Variants in DRAM1 observed in about 807,000 individuals in gnomAD.
DRAM1 encodes the protein DNA damage-regulated autophagy modulator protein 1.
In DRAM1, 25 loss-of-function variants were observed where a neutral mutation model predicts 28.5. The ratio of observed to expected loss-of-function variants is 0.88; its 90% CI spans 0.64 to 1.23. The LOEUF is 1.23. Among genes scored for constraint, DRAM1 ranks in the 50% most tolerant of loss-of-function variants. DRAM1 has a pLI of 0.00. For missense variants in DRAM1, 249 were observed against 299.2 expected (o/e 0.83, Z 1.24); for synonymous variants, 113 against 114.2 (o/e 0.99, Z 0.07).
intron 3 of DRAM1, chr12:101,901,690 G>A: frequency 2.6e-6 from 1 of 385,014 alleles, no homozygotes; most frequent in Non-Finnish European, 4.7e-6. Context: ...GACCAGTCTG[G>A]CCAACATGGT....
At chr12:101,919,612 G>A (rs558069543) in intron 5 of DRAM1, among the ~76,000 whole-genome samples, 5 of 152,306 alleles carry the variant, frequency 3.3e-5, no homozygotes, top group South Asian at 2.1e-4. Flanking sequence ...ACTATTTCCT[G>A]AATGATCATT....
intron 1 of DRAM1, among the ~76,000 whole-genome samples, chr12:101,893,771 A>ATTTT (rs57069274): frequency 1.4e-5 from 2 of 142,462 alleles, no homozygotes; most frequent in African/African-American, 5.1e-5. Flanking sequence ...GATTAGGTCA[A>ATTTT]TTTTTTTTTT....
chr12:101,913,003 C>T (rs1452067560), intron 4 of DRAM1, among the ~76,000 whole-genome samples: 1 of 152,164 alleles, frequency 6.6e-6, no homozygotes, highest in Non-Finnish European at 1.5e-5. Flanking sequence ...GCTGGGATTA[C>T]AGGTGTGAGC....
chr12:101,903,234 A>G (rs1438819475), intron 3 of DRAM1, among the ~76,000 whole-genome samples: 2 of 152,192 alleles, frequency 1.3e-5, no homozygotes, highest in Admixed American at 1.3e-4. Flanking sequence ...TTGAGTTGCA[A>G]TAAATCACAT....
At chr12:101,896,734 C>A (rs1411103098) in intron 1 of DRAM1, among the ~76,000 whole-genome samples, 1 of 152,036 alleles carries the variant, frequency 6.6e-6, no homozygotes, top group Non-Finnish European at 1.5e-5. Context: ...ACCCTAGATA[C>A]CCTATTATTT....
At chr12:101,902,768 T>A (rs1163755578) in intron 3 of DRAM1, among the ~76,000 whole-genome samples, 1 of 152,228 alleles carries the variant, frequency 6.6e-6, no homozygotes, top group Non-Finnish European at 1.5e-5. Context: ...AGCAAAGTGT[T>A]TGACTTGTCA....
At position 101,901,276 on chromosome 12, in the gene DRAM1, T is replaced by C; in HGVS notation, c.200-15T>C. 6.2e-7 allele frequency: 1 copy of C among 1,606,110 alleles called. No individual in the cohort carries two copies. Among genetic ancestry groups the C allele is most frequent in the Admixed American group, 1.7e-5 (1 of 58,240 alleles). Reference sequence around the variant, plus strand: ...TCAAATTATGAACATTCATCAAAGTTCTCTTCTTTTTCAGGTGCAGCCACG... The same window carrying C: ...TCAAATTATGAACATTCATCAAAGTCCTCTTCTTTTTCAGGTGCAGCCACG... On this transcript the variant is annotated splice_polypyrimidine_tract_variant and intron_variant, in intron 2 of 6. Transcript: ENST00000258534.
At chr12:101,915,123 G>A (rs1343621267) in intron 5 of DRAM1, among the ~76,000 whole-genome samples, 2 of 151,968 alleles carry the variant, frequency 1.3e-5, no homozygotes, top group Non-Finnish European at 2.9e-5. Flanking sequence ...GGGACTATAG[G>A]CGCCTGCCAC....
intron 5 of DRAM1, among the ~76,000 whole-genome samples, chr12:101,915,469 G>C (rs1265220682): frequency 6.6e-6 from 1 of 152,104 alleles, no homozygotes; most frequent in Non-Finnish European, 1.5e-5. Context: ...GGATAACTGT[G>C]CAAGGGTGTA....
At chr12:101,881,431 G>A (rs1334213339) in intron 1 of DRAM1, among the ~76,000 whole-genome samples, 2 of 152,084 alleles carry the variant, frequency 1.3e-5, no homozygotes, top group East Asian at 1.9e-4. Flanking sequence ...CATGGCTCAA[G>A]CAATCCCCTG....
intron 1 of DRAM1, among the ~76,000 whole-genome samples, chr12:101,884,250 G>A (rs116389832): frequency 0.018 from 2,518 of 143,066 alleles, 63 homozygotes; most frequent in African/African-American, 0.064. Flanking sequence ...TTAGCTGAGC[G>A]TGGTAGGATG....
In DRAM1 at chr12:101,897,892, G is replaced by A. The variant is rs190763394; in HGVS notation, c.161G>A (p.Gly54Asp). 1.6e-5 allele frequency: 25 copies of A among 1,610,300 alleles called. No individual in the cohort carries two copies. Among genetic ancestry groups the A allele is most frequent in the Admixed American group, 1.5e-4 (9 of 59,786 alleles). The change falls in exon 2 of 7, where the codon GGT becomes GAT. Residue 54 changes from glycine to aspartate, a missense_variant. Physicochemically the swap from Gly to Asp is moderately conservative, Grantham distance 94. This residue lies in a region of DRAM1 where 218 missense variants were observed against 243.1 expected (regional missense o/e 0.90). Coordinates refer to ENST00000258534, the MANE Select transcript of DRAM1 (RefSeq NM_018370.3). The part of the protein sequence containing the change: ...SDTGTTPPES[G>D]IFGFMINFSA... Reference sequence around the variant, plus strand: ...ACGGGAACAACACCTCCAGAGAGTGGTATTTTTGGATTTATGATAAACTTC... The same window carrying A: ...ACGGGAACAACACCTCCAGAGAGTGATATTTTTGGATTTATGATAAACTTC...
At chr12:101,895,783 G>C (rs918928392) in intron 1 of DRAM1, among the ~76,000 whole-genome samples, 5 of 151,700 alleles carry the variant, frequency 3.3e-5, no homozygotes, top group Non-Finnish European at 7.4e-5. Context: ...TGTTGGCCAG[G>C]CTGGTCTTGA....
intron 3 of DRAM1, among the ~76,000 whole-genome samples, chr12:101,901,868 C>CAA (rs57574986): frequency 0.44 from 50,299 of 113,772 alleles, 10,863 homozygotes; most frequent in African/African-American, 0.63. Flanking sequence ...GACTCTATCT[C>CAA]AAAAAAAAAA....
chr12:101,886,478 C>A (rs1169536574), intron 1 of DRAM1, among the ~76,000 whole-genome samples: 2 of 152,316 alleles, frequency 1.3e-5, no homozygotes, highest in South Asian at 2.1e-4. Flanking sequence ...CCACATTGGG[C>A]TGGATAGGAA....
At chr12:101,915,924 A>G (rs1874226839) in intron 5 of DRAM1, among the ~76,000 whole-genome samples, 1 of 152,214 alleles carries the variant, frequency 6.6e-6, no homozygotes, top group Admixed American at 6.5e-5. Context: ...GACAGAAGCA[A>G]TGCCTGGGAT....
intron 1 of DRAM1, among the ~76,000 whole-genome samples, chr12:101,897,502 C>T (rs1364035198): frequency 6.6e-6 from 1 of 150,988 alleles, no homozygotes; most frequent in Non-Finnish European, 1.5e-5. Flanking sequence ...CACCCGGCCT[C>T]AAACATGATT....
At chr12:101,906,770 G>A (rs985359042) in intron 3 of DRAM1, among the ~76,000 whole-genome samples, 2 of 149,132 alleles carry the variant, frequency 1.3e-5, no homozygotes, top group Non-Finnish European at 3.0e-5. Context: ...CATGAGAATC[G>A]CTTGAACCCG....
intron 2 of DRAM1, among the ~76,000 whole-genome samples, chr12:101,898,657 A>G (rs938055426): frequency 3.3e-5 from 5 of 152,194 alleles, no homozygotes; most frequent in Admixed American, 6.5e-5. Flanking sequence ...TTCCTGGGCC[A>G]TGCTACTCAA....
Sources: gnomAD v4.1 joint callset for allele counts (sites outside exome capture counted in the v4.1 genomes callset) on GRCh38, gnomAD v4.1.1 for gene constraint, gnomAD v4.1.1 regional missense constraint, MANE v1.5 for transcripts, NCBI Gene and HGNC (gene_info 2026-07-23, HGNC 2026-07-21) for gene names.